Variants in SMARCD3 observed in about 807,000 individuals in gnomAD.
SMARCD3 encodes the protein SWI/SNF-related matrix-associated actin-dependent regulator of chromatin subfamily D member 3.
In SMARCD3, 14 loss-of-function variants were observed where a neutral mutation model predicts 58.0. The observed-to-expected ratio is 0.24, with a 90% CI of 0.16 to 0.38. SMARCD3 has a LOEUF of 0.38. SMARCD3 is among the 10% of genes least tolerant of loss of function. The probability of loss-of-function intolerance (pLI) is 1.00; values close to 1 mark genes in which losing one functional copy is unlikely to be tolerated. For missense variants in SMARCD3, 408 were observed against 636.9 expected, an observed-to-expected ratio of 0.64 and a Z score of 3.87; for synonymous variants, 253 against 253.8, an observed-to-expected ratio of 1.00 and a Z score of 0.03.
chr7:151,250,060 T>C (rs1158160555), upstream of SMARCD3, among the ~76,000 whole-genome samples: 5 of 152,074 alleles, frequency 3.3e-5, no homozygotes, highest in Non-Finnish European at 7.4e-5. Flanking sequence ...GTTGAAACAC[T>C]TACTTGAAGT....
intron 2 of SMARCD3, among the ~76,000 whole-genome samples, chr7:151,263,007 T>C (rs1270176933): frequency 6.6e-6 from 1 of 152,206 alleles, no homozygotes; most frequent in African/African-American, 2.4e-5. Flanking sequence ...GAGCAGCCAC[T>C]GTTTGTTCTG....
chr7:151,267,726 C>T (rs1795042258), intron 2 of SMARCD3, among the ~76,000 whole-genome samples: 2 of 152,210 alleles, frequency 1.3e-5, no homozygotes, highest in African/African-American at 4.8e-5. Context: ...CCTGTAATTC[C>T]AGCACTCTGG....
At chr7:151,254,075 C>G (rs994294393) in intron 2 of SMARCD3, among the ~76,000 whole-genome samples, 4 of 152,184 alleles carry the variant, frequency 2.6e-5, no homozygotes, top group African/African-American at 9.7e-5. Context: ...AGACTCCAAA[C>G]AGTAGCCAGT....
chr7:151,261,389 C>T (rs758528335), intron 2 of SMARCD3, among the ~76,000 whole-genome samples: 1 of 152,172 alleles, frequency 6.6e-6, no homozygotes, highest in Admixed American at 6.5e-5. Flanking sequence ...AACCACAGCC[C>T]TTGAGTCAAT....
At position 151,241,728 on chromosome 7, in the gene SMARCD3, T is replaced by G; in HGVS notation, c.778-75A>C. ...AGCCCAGGGCCAGGCCATTCAGGAC[T>G]AGGGGGATGTGTTGATTGAGGAAAC... On this transcript the variant is annotated intron_variant, in intron 7 of 12. Transcript: ENST00000262188. This position sits in a 1 kb window ranked among gnomAD's most constrained non-coding sequence, Gnocchi z 5.3. 1 of 1,449,826 alleles carries G rather than the reference T, an allele frequency of 6.9e-7. No homozygotes were observed. Among genetic ancestry groups the G allele is most frequent in the South Asian group, 1.2e-5 (1 of 83,938 alleles). 89.8% of individuals were successfully genotyped at this position (1,449,826 alleles called of 1,614,324 possible).
chr7:151,242,383 G>A lies in SMARCD3; in HGVS notation c.579+98C>T. On this transcript the variant is annotated intron_variant, in intron 5 of 12. Transcript: ENST00000262188. The surrounding 1 kb of genome is among the most constrained non-coding windows in gnomAD (Gnocchi z 4.7). ...TAGGCCTGCCCCTCCACCCAGCCTG[G>A]GCTGACTCCCTAGCCCTTAGTGCAG... The A allele has an allele frequency of 2.6e-6, 4 of 1,537,782 alleles. No individual in the cohort carries two copies. Among genetic ancestry groups the A allele is most frequent in the Non-Finnish European group, 3.6e-6 (4 of 1,120,316 alleles).
In SMARCD3 at chr7:151,248,396, G is replaced by A. The variant is rs936526646; in HGVS notation, c.78+89C>T. ...CCCCCCACTAGAGGGGTGGGAGAGCGGGAGCGCCCTCCCGGCCCCTCCCGA... is the reference window on the plus strand; with the variant it reads ...CCCCCCACTAGAGGGGTGGGAGAGCAGGAGCGCCCTCCCGGCCCCTCCCGA... On this transcript the variant is annotated intron_variant, in intron 1 of 12. Transcript: ENST00000262188. The surrounding 1 kb of genome is among the most constrained non-coding windows in gnomAD (Gnocchi z 6.1). The A allele has an allele frequency of 1.8e-5, 21 of 1,143,654 alleles. 1 individual carries two copies. The African/African-American group carries it at 2.4e-4, about 13-fold the overall frequency. 70.8% of individuals were successfully genotyped at this position (1,143,654 alleles called of 1,614,324 possible).
In SMARCD3 at chr7:151,245,682, G is replaced by T; in HGVS notation, c.79-11C>A. ...CGGCATCCCGGGGCGCTGGGGGTGG[G>T]CGGGGGTGAAGCAGAAACGGGCGCC... On this transcript the variant is annotated splice_polypyrimidine_tract_variant and intron_variant, in intron 1 of 12. Coordinates refer to ENST00000262188, the MANE Select transcript of SMARCD3 (RefSeq NM_001003801.2). The surrounding 1 kb of genome is among the most constrained non-coding windows in gnomAD (Gnocchi z 6.2). 1.1e-6 allele frequency: 1 copy of T among 916,742 alleles called. No homozygotes were observed. Among genetic ancestry groups the T allele is most frequent in the Non-Finnish European group, 1.4e-6 (1 of 700,884 alleles). The allele number at this position is 916,742 out of a possible 1,614,324, so 56.8% of individuals were successfully genotyped here.
upstream of SMARCD3, chr7:151,249,477 G>C (rs1803438334): frequency 6.6e-6 from 1 of 152,280 alleles, no homozygotes; most frequent in Admixed American, 6.5e-5. This position sits in a 1 kb window ranked among gnomAD's most constrained non-coding sequence, Gnocchi z 4.8. Flanking sequence ...GTGAGTCTTT[G>C]TTTGCCGCTC....
rs1803228803 is a variant in SMARCD3 at position 151,245,744 on chromosome 7, T to G, written c.79-73A>C. ...CCAGGGCCCCCCGCTCCAGGCGCGG[T>G]GAGCCGGCGTCTCCCCTCCCCCACC... On this transcript the variant is annotated intron_variant, in intron 1 of 12. Coordinates refer to ENST00000262188, the MANE Select transcript of SMARCD3 (RefSeq NM_001003801.2). This position sits in a 1 kb window ranked among gnomAD's most constrained non-coding sequence, Gnocchi z 6.2. 2.5e-6 allele frequency: 1 copy of G among 401,930 alleles called. No homozygotes were observed. The highest frequency in any genetic ancestry group is 3.7e-5 in the East Asian group (1 of 27,250). The allele number at this position is 401,930 out of a possible 1,614,324, so 24.9% of individuals were successfully genotyped here. A position where few individuals can be genotyped will look rare whatever the true frequency, so the allele number is the denominator to read the frequency against.
At chr7:151,270,238 G>A (rs912826264) in intron 2 of SMARCD3, among the ~76,000 whole-genome samples, 14 of 152,196 alleles carry the variant, frequency 9.2e-5, no homozygotes, top group African/African-American at 3.1e-4. Flanking sequence ...GGAGTTACAG[G>A]AGGGAGACGC....
upstream of SMARCD3, among the ~76,000 whole-genome samples, chr7:151,251,881 G>A (rs1803525841): frequency 1.4e-5 from 2 of 147,576 alleles, no homozygotes. Context: ...CACCGCGCCC[G>A]AGCGAGCGGG....
At chr7:151,247,652 C>T (rs1465019385) in intron 1 of SMARCD3, among the ~76,000 whole-genome samples, 1 of 152,128 alleles carries the variant, frequency 6.6e-6, no homozygotes, top group Non-Finnish European at 1.5e-5. Context: ...ACTCCCTCAC[C>T]CATCCCAAGA....
At position 151,245,952 on chromosome 7, in the gene SMARCD3, A is replaced by C; in HGVS notation, c.79-281T>G. ...TCGGGGCTGCGGAAGGTACCGCAAA[A>C]ATGAATATTAATGGCGCCTTTCAAC... On this transcript the variant is annotated intron_variant, in intron 1 of 12. Transcript: ENST00000262188. The surrounding 1 kb of genome is among the most constrained non-coding windows in gnomAD (Gnocchi z 6.2). The C allele has an allele frequency of 3.2e-6, 1 of 316,588 alleles. No individual in the cohort carries two copies. Among genetic ancestry groups the C allele is most frequent in the Non-Finnish European group, 5.7e-6 (1 of 173,956 alleles). The allele number at this position is 316,588 out of a possible 1,614,324, so 19.6% of individuals were successfully genotyped here.
chr7:151,268,701 T>G (rs374559866), intron 2 of SMARCD3, among the ~76,000 whole-genome samples: 1 of 152,160 alleles, frequency 6.6e-6, no homozygotes, highest in African/African-American at 2.4e-5. Flanking sequence ...CTGGAGAGGA[T>G]GATGATTATA....
chr7:151,239,344 T>G lies in SMARCD3; in HGVS notation c.1398+52A>C. 3 of 1,481,130 alleles carry G rather than the reference T, an allele frequency of 2.0e-6. No individual in the cohort carries two copies. The South Asian group carries it at 3.4e-5, about 17-fold the overall frequency. 91.7% of individuals were successfully genotyped at this position (1,481,130 alleles called of 1,614,324 possible). ...GCTGCCCACAAGCTGAACAGGGAGG[T>G]TTCTCTTGGAGTTGAGGATGGGGAA... On this transcript the variant is annotated intron_variant, in intron 12 of 12. Coordinates refer to ENST00000262188, the MANE Select transcript of SMARCD3 (RefSeq NM_001003801.2). This position sits in a 1 kb window ranked among gnomAD's most constrained non-coding sequence, Gnocchi z 7.0.
chr7:151,268,669 C>A (rs1459752397), intron 2 of SMARCD3, among the ~76,000 whole-genome samples: 1 of 152,156 alleles, frequency 6.6e-6, no homozygotes, highest in Non-Finnish European at 1.5e-5. Context: ...TTCCTTCATG[C>A]CCTGTGCCTC....
At chr7:151,255,133 C>A (rs1287664010) in intron 2 of SMARCD3, among the ~76,000 whole-genome samples, 3 of 152,080 alleles carry the variant, frequency 2.0e-5, no homozygotes, top group Admixed American at 2.0e-4. Context: ...TGCCCTTTAT[C>A]CCCAATTGCA....
Position 151,242,979 on chromosome 7 carries a change from A to G in SMARCD3, c.334-136T>C, listed in dbSNP as rs975986977. ...CTACTTTTGGGCATGTAGCTTTGAC[A>G]GTGGGAACAGGACCTCTCCCCAGGA... On this transcript the variant is annotated intron_variant, in intron 3 of 12. Coordinates refer to ENST00000262188, the MANE Select transcript of SMARCD3 (RefSeq NM_001003801.2). This position sits in a 1 kb window ranked among gnomAD's most constrained non-coding sequence, Gnocchi z 4.7. The G allele has an allele frequency of 2.0e-5, 20 of 1,007,886 alleles. No homozygotes were observed. Among genetic ancestry groups the G allele is most frequent in the Middle Eastern group, 2.7e-4 (1 of 3,760 alleles). 62.4% of individuals were successfully genotyped at this position (1,007,886 alleles called of 1,614,324 possible).
Sources: allele counts gnomAD v4.1 joint callset (sites outside exome capture counted in the v4.1 genomes callset), GRCh38; gene constraint gnomAD v4.1.1; non-coding constraint Gnocchi (gnomAD v3.1); transcripts MANE v1.5; gene names NCBI Gene and HGNC (gene_info 2026-07-23, HGNC 2026-07-21).